Variants in POLN observed in about 807,000 individuals in gnomAD.
The protein encoded by POLN is DNA polymerase nu.
POLN carries 108 observed loss-of-function variants against 113.5 expected under a neutral mutation model. The ratio of observed to expected loss-of-function variants is 0.95; its 90% confidence interval spans 0.81 to 1.12. POLN has a LOEUF of 1.12. POLN is among the 50% of genes most tolerant of loss of function. POLN has a pLI of 0.00. For missense variants in POLN, 1,097 were observed against 1,077.1 expected (o/e 1.02, Z -0.26); for synonymous variants, 386 against 391.5 (o/e 0.99, Z 0.17).
chr4:2,208,258 T>G lies in POLN; in HGVS notation c.443A>C (p.Asn148Thr), dbSNP rs767643949. Residue 148 changes from asparagine (N) to threonine (T), a missense_variant, in exon 5 of 26, where the codon AAT (asparagine) becomes ACT (threonine). Coordinates refer to ENST00000511885, the MANE Select transcript of POLN (RefSeq NM_181808.4). ...HFLMENINNE[N>T]KGSINLKRKH... ...TCTTTTAAGATTAATGCTTCCTTTA[T>G]TTTCATTATTTATATTCTCCATTAG... The G allele has an allele frequency of 1.3e-6, 2 of 1,586,900 alleles. No homozygotes were observed. Among genetic ancestry groups the G allele is most frequent in the African/African-American group, 2.7e-5 (2 of 73,880 alleles).
chr4:2,206,300 A>C (rs1338588944), intron 5 of POLN, among the ~76,000 whole-genome samples: 4 of 152,232 alleles, frequency 2.6e-5, no homozygotes, highest in Admixed American at 1.3e-4. Flanking sequence ...AAATTCTAGA[A>C]GATAACATGG....
intron 20 of POLN, among the ~76,000 whole-genome samples, chr4:2,091,041 G>A (rs1262451983): frequency 6.6e-6 from 1 of 152,320 alleles, no homozygotes; most frequent in African/African-American, 2.4e-5. Context: ...TTGCCTTCAG[G>A]TGAGGGTCTA....
At chr4:2,194,011 A>T (rs11940306) in intron 6 of POLN, among the ~76,000 whole-genome samples, 12,221 of 152,260 alleles carry the variant, frequency 0.08, 726 homozygotes, top group African/African-American at 0.16. Flanking sequence ...AAATTGACTG[A>T]ATACTTACCA....
intron 19 of POLN, among the ~76,000 whole-genome samples, chr4:2,108,956 G>C (rs1214774002): frequency 6.6e-6 from 1 of 152,086 alleles, no homozygotes; most frequent in African/African-American, 2.4e-5. Context: ...TGGTGGTTCT[G>C]CTCATTCACA....
intron 2 of POLN, among the ~76,000 whole-genome samples, chr4:2,234,014 T>C (rs934971649): frequency 1.7e-4 from 26 of 151,756 alleles, no homozygotes; most frequent in African/African-American, 4.1e-4. Flanking sequence ...CAAAAAGCTA[T>C]ATACACAAAG....
chr4:2,138,171 C>G (rs529853616), intron 16 of POLN, among the ~76,000 whole-genome samples: 1 of 152,260 alleles, frequency 6.6e-6, no homozygotes, highest in East Asian at 1.9e-4. Flanking sequence ...TGCAAGCACC[C>G]TGAACATCCT....
chr4:2,153,332 A>T (rs531435385), intron 16 of POLN, among the ~76,000 whole-genome samples: 2 of 152,352 alleles, frequency 1.3e-5, no homozygotes, highest in South Asian at 4.1e-4. Context: ...ATCATGGGCT[A>T]CCAAGAGCAC....
chr4:2,158,003 G>C, intron 14 of POLN, 92 bp from the exon 15 acceptor site: 2 of 910,780 alleles, frequency 2.2e-6, no homozygotes, highest in East Asian at 2.8e-5. Flanking sequence ...CCAGGCTGGA[G>C]TGCAGTGGCG....
chr4:2,148,088 A>G (rs1318337798), intron 16 of POLN, among the ~76,000 whole-genome samples: 2 of 152,220 alleles, frequency 1.3e-5, no homozygotes, highest in Non-Finnish European at 2.9e-5. Flanking sequence ...GCAGGATGTT[A>G]TAATACAGTA....
intron 22 of POLN, 62 bp downstream of exon 22, chr4:2,081,571 T>G: frequency 6.6e-7 from 1 of 1,520,160 alleles, no homozygotes; most frequent in Non-Finnish European, 9.1e-7. Context: ...CACCCAGCCC[T>G]GCGGCTGCTA....
At chr4:2,218,928 T>A (rs955212135) in intron 3 of POLN, among the ~76,000 whole-genome samples, 1 of 152,230 alleles carries the variant, frequency 6.6e-6, no homozygotes, top group Non-Finnish European at 1.5e-5. Context: ...GGGACCACCC[T>A]GTGCCCTGAA....
chr4:2,163,796 TC>T (rs1732660876), intron 13 of POLN, among the ~76,000 whole-genome samples: 1 of 152,176 alleles, frequency 6.6e-6, no homozygotes, highest in Non-Finnish European at 1.5e-5. Context: ...TTAGTAAAAA[TC>T]AGCTGGCAGC....
intron 8 of POLN, among the ~76,000 whole-genome samples, chr4:2,177,827 G>T (rs149165396): frequency 6.6e-6 from 1 of 152,302 alleles, no homozygotes. Flanking sequence ...ATGGTACAAG[G>T]AGGGAAAGAA....
At chr4:2,225,041 C>T (rs2108771636) in intron 3 of POLN, among the ~76,000 whole-genome samples, 1 of 152,176 alleles carries the variant, frequency 6.6e-6, no homozygotes, top group South Asian at 2.1e-4. Context: ...CCATTATAAT[C>T]TTATGGGACC....
At chr4:2,231,255 A>T (rs1255233555) in intron 2 of POLN, 1 of 152,246 alleles carries the variant, frequency 6.6e-6, no homozygotes, top group Non-Finnish European at 1.5e-5. Flanking sequence ...TATTTCACAT[A>T]TTAAGGTCTA....
intron 2 of POLN, chr4:2,239,103 GATT>G (rs1577802619): frequency 1.2e-5 from 11 of 909,790 alleles, no homozygotes; most frequent in Non-Finnish European, 1.4e-5. Context: ...ATCATCTTAA[GATT>G]ATTTTCACTT....
intron 7 of POLN, among the ~76,000 whole-genome samples, chr4:2,186,349 T>C (rs776288490): frequency 4.6e-5 from 7 of 152,112 alleles, no homozygotes; most frequent in African/African-American, 1.7e-4. Context: ...CTCTGTACCA[T>C]AGACAGAGGA....
chr4:2,219,243 C>T (rs1734193376), intron 3 of POLN, among the ~76,000 whole-genome samples: 1 of 152,164 alleles, frequency 6.6e-6, no homozygotes, highest in Admixed American at 6.5e-5. Context: ...ACGGAGAAAC[C>T]ATGATGATAC....
Position 2,229,092 on chromosome 4 carries a change from T to G in POLN, c.133+7A>C. On this transcript the variant is annotated splice_region_variant and intron_variant, in intron 3 of 25. Coordinates refer to ENST00000511885, the MANE Select transcript of POLN (RefSeq NM_181808.4). Reference sequence around the variant, plus strand: ...AAGAGAAAGAAAGGTTCATAAAAATTACTTACTCTCTGTACTCTTTCCCCA... The same window carrying G: ...AAGAGAAAGAAAGGTTCATAAAAATGACTTACTCTCTGTACTCTTTCCCCA... 6.4e-7 allele frequency: 1 copy of G among 1,574,252 alleles called. No homozygotes were observed. Among genetic ancestry groups the G allele is most frequent in the Non-Finnish European group, 8.6e-7 (1 of 1,159,312 alleles).
Sources: gnomAD v4.1 joint callset for allele counts (sites outside exome capture counted in the v4.1 genomes callset) on GRCh38, gnomAD v4.1.1 for gene constraint, MANE v1.5 for transcripts, NCBI Gene and HGNC (gene_info 2026-07-23, HGNC 2026-07-21) for gene names.